The following MORN1 variants were observed in gnomAD, a reference collection of about 807,000 sequenced individuals.
MORN1 encodes MORN repeat containing 1.
In MORN1, 67 loss-of-function variants were observed where a neutral mutation model predicts 61.9. The observed-to-expected ratio is 1.08, with a 90% confidence interval of 0.89 to 1.33. The LOEUF is 1.33. MORN1 is among the 40% of genes most tolerant of loss of function. The pLI is 0.00. For missense variants in MORN1, 752 were observed against 691.2 expected (o/e 1.09, Z -0.99); for synonymous variants, 301 against 292.0 (o/e 1.03, Z -0.31).
chr1:2,336,051 G>C (rs551884838), intron 12 of MORN1, among the ~76,000 whole-genome samples: 2 of 152,156 alleles, frequency 1.3e-5, no homozygotes, highest in Non-Finnish European at 2.9e-5. Flanking sequence ...CACGTGCCGC[G>C]GTGTGCACCT....
At chr1:2,385,160 T>A in intron 5 of MORN1, 95 bp from the exon 6 acceptor site, 1 of 1,336,782 alleles carries the variant, frequency 7.5e-7, no homozygotes, top group Non-Finnish European at 1.0e-6. Flanking sequence ...CCGCAGGCAC[T>A]GCGGGACCGA....
intron 10 of MORN1, among the ~76,000 whole-genome samples, chr1:2,342,247 C>T (rs187249493): frequency 1.3e-3 from 205 of 152,348 alleles, no homozygotes; most frequent in African/African-American, 4.8e-3. Context: ...CTCAATTAGA[C>T]TCCCTAGTCA....
chr1:2,342,931 G>T (rs1330264334), intron 10 of MORN1, among the ~76,000 whole-genome samples: 1 of 116,476 alleles, frequency 8.6e-6, no homozygotes. Flanking sequence ...TAGAGATGGG[G>T]CCTCCCTTTG....
chr1:2,358,873 T>TC (rs1641833562), intron 8 of MORN1, among the ~76,000 whole-genome samples, 158 bp from the exon 9 acceptor site: 2 of 152,148 alleles, frequency 1.3e-5, no homozygotes, highest in South Asian at 2.1e-4. Context: ...CGGCTTGCCC[T>TC]CCGTGGGCTC....
intron 9 of MORN1, 49 bp downstream of exon 9, chr1:2,358,543 G>A: frequency 6.2e-7 from 1 of 1,611,492 alleles, no homozygotes. Context: ...TGACCTAAAT[G>A]AACTCAAAAC....
At position 2,390,046 on chromosome 1, in the gene MORN1, G is replaced by A. The variant is rs750561308; in HGVS notation, c.77-50C>T. ...GGTAAGCACAGACACAGAGATGAGG[G>A]ATGCTCTCCAGTGCTGAAGGAGGGA... On this transcript the variant is annotated intron_variant, in intron 1 of 13. Coordinates refer to ENST00000378531, the MANE Select transcript of MORN1 (RefSeq NM_024848.3). 3 of 1,531,234 alleles carry A rather than the reference G, an allele frequency of 2.0e-6. No homozygotes were observed. The South Asian group carries it at 3.4e-5, about 17-fold the overall frequency. 94.9% of individuals were successfully genotyped at this position (1,531,234 alleles called of 1,614,324 possible).
chr1:2,328,881 C>T (rs1168414318), intron 12 of MORN1, among the ~76,000 whole-genome samples: 1 of 152,232 alleles, frequency 6.6e-6, no homozygotes, highest in Non-Finnish European at 1.5e-5. Context: ...GGCCGAGGAA[C>T]TGGGGGCCAC....
intron 7 of MORN1, among the ~76,000 whole-genome samples, chr1:2,373,114 G>A (rs918715447): frequency 2.0e-5 from 3 of 152,186 alleles, no homozygotes; most frequent in Non-Finnish European, 4.4e-5. Context: ...TCGTCACACC[G>A]CATCCTGCTG....
intron 13 of MORN1, chr1:2,323,712 C>T: frequency 1.0e-6 from 1 of 985,366 alleles, no homozygotes. Context: ...AGCCCTGCAG[C>T]CGGCCTTGCT....
intron 10 of MORN1, among the ~76,000 whole-genome samples, chr1:2,348,738 TGCGCGGGCACGCACACACACGCAC>T (rs1641579003): frequency 2.0e-4 from 2 of 10,170 alleles, no homozygotes; most frequent in African/African-American, 8.4e-4. Context: ...CACGCACACC[TGCGCGGGCACGCACACACACGCAC>T]ACCTGCGCAG....
At chr1:2,385,157 C>A in intron 5 of MORN1, 92 bp from the exon 6 acceptor site, 2 of 1,335,798 alleles carry the variant, frequency 1.5e-6, no homozygotes, top group South Asian at 1.3e-5. Flanking sequence ...GCTCCGCAGG[C>A]ACTGCGGGAC....
At chr1:2,326,288 C>T (rs2643893) in intron 12 of MORN1, 103,794 of 152,054 alleles carry the variant, frequency 0.68, 36,332 homozygotes, top group East Asian at 0.9. Flanking sequence ...CACAGGAGTG[C>T]GGGCGAGTTG....
chr1:2,351,968 A>G (rs1401571670), intron 10 of MORN1: 1 of 520,632 alleles, frequency 1.9e-6, no homozygotes, highest in Non-Finnish European at 3.7e-6. Flanking sequence ...CTCGAGGGAC[A>G]CCAGTAGGCA....
At chr1:2,329,202 G>C (rs1641096808) in intron 12 of MORN1, among the ~76,000 whole-genome samples, 1 of 152,222 alleles carries the variant, frequency 6.6e-6, no homozygotes. Context: ...TCCGTCTGCT[G>C]TGGGGTTATC....
chr1:2,324,902 G>A (rs944823511), intron 12 of MORN1, among the ~76,000 whole-genome samples: 12 of 152,048 alleles, frequency 7.9e-5, no homozygotes, highest in Non-Finnish European at 1.6e-4. Context: ...ATCTGGGTCA[G>A]GGAAGCAGGT....
At chr1:2,347,708 G>A (rs961452576) in intron 10 of MORN1, among the ~76,000 whole-genome samples, 5 of 152,148 alleles carry the variant, frequency 3.3e-5, no homozygotes, top group African/African-American at 1.2e-4. Context: ...TTCTGACTGC[G>A]GGACAGGGAG....
At chr1:2,332,821 C>A (rs1641188010) in intron 12 of MORN1, 24 of 432,996 alleles carry the variant, frequency 5.5e-5, no homozygotes, top group South Asian at 3.9e-4. Flanking sequence ...AGGGGAGAAG[C>A]CGGAGCCAGG....
At chr1:2,359,558 G>A (rs758907793) in intron 8 of MORN1, among the ~76,000 whole-genome samples, 2 of 152,176 alleles carry the variant, frequency 1.3e-5, no homozygotes, top group Non-Finnish European at 2.9e-5. Context: ...GTGGGTGGAG[G>A]CAAGATGGCT....
At chr1:2,351,709 T>C (rs950021709) in intron 10 of MORN1, 32 of 475,754 alleles carry the variant, frequency 6.7e-5, no homozygotes, top group Middle Eastern at 1.0e-3. Context: ...TTTAGTTTCA[T>C]CTTTCTGAAC....
Sources: gnomAD v4.1 joint callset for allele counts (sites outside exome capture counted in the v4.1 genomes callset) on GRCh38, gnomAD v4.1.1 for gene constraint, MANE v1.5 for transcripts, NCBI Gene and HGNC (gene_info 2026-07-23, HGNC 2026-07-21) for gene names.